The following NHSL2 variants were observed in gnomAD, a reference collection of about 807,000 sequenced individuals.
NHSL2 encodes the protein NHS-like protein 2.
A neutral mutation model predicts 53.4 loss-of-function variants in NHSL2; 27 were observed. The observed-to-expected ratio is 0.51, with a 90% confidence interval of 0.37 to 0.70. NHSL2 has a LOEUF of 0.70. NHSL2 is among the 30% of genes least tolerant of loss of function. NHSL2 has a pLI of 0.00. For missense variants in NHSL2, 892 were observed against 980.1 expected, an observed-to-expected ratio of 0.91 and a Z score of 1.20; for synonymous variants, 408 against 404.1, an observed-to-expected ratio of 1.01 and a Z score of -0.12.
At chrX:72,036,849 C>T (rs1276770830) in intron 1 of NHSL2, among the ~76,000 whole-genome samples, 2 of 111,101 alleles carry the variant, frequency 1.8e-5, no homozygotes, top group African/African-American at 6.5e-5. Context: ...TTTTTGATAT[C>T]TTCTATTACT....
chrX:71,990,558 C>G (rs779429455), intron 1 of NHSL2, among the ~76,000 whole-genome samples: 1 of 111,029 alleles, frequency 9.0e-6, no homozygotes, highest in Non-Finnish European at 1.9e-5. Flanking sequence ...AAGACCACCC[C>G]GCTCACACTG....
chrX:72,047,768 A>G (rs2042313071), intron 1 of NHSL2, among the ~76,000 whole-genome samples: 2 of 111,626 alleles, frequency 1.8e-5, no homozygotes, highest in African/African-American at 6.5e-5. Context: ...TCCTAGGGCT[A>G]GCAGCCTTTG....
chrX:72,021,491 T>G (rs1233956171), intron 1 of NHSL2, among the ~76,000 whole-genome samples: 2 of 111,886 alleles, frequency 1.8e-5, no homozygotes, highest in African/African-American at 6.5e-5. Context: ...AAACTTCCCT[T>G]ACTCTGAATC....
intron 1 of NHSL2, among the ~76,000 whole-genome samples, chrX:71,957,517 T>C (rs2041848316): frequency 8.9e-6 from 1 of 111,901 alleles, no homozygotes; most frequent in African/African-American, 3.3e-5. Flanking sequence ...CCGCCTGACT[T>C]GGCCTCCCAA....
At chrX:72,127,698 C>G (rs1018325937) in intron 1 of NHSL2, 6 of 72,675 alleles carry the variant, frequency 8.3e-5, no homozygotes, top group Non-Finnish European at 2.1e-4. Flanking sequence ...TTGAGGAAAT[C>G]AGATAAAATC....
At chrX:72,049,078 G>GGAGGAT (rs2042325212) in intron 1 of NHSL2, among the ~76,000 whole-genome samples, 1 of 107,545 alleles carries the variant, frequency 9.3e-6, no homozygotes, top group African/African-American at 3.5e-5. Context: ...AGGAGGAGGA[G>GGAGGAT]GGGAGGAGGA....
chrX:71,968,883 A>C lies in NHSL2; in HGVS notation c.280+57516A>C, dbSNP rs780473124. On this transcript the variant is annotated intron_variant, in intron 1 of 7. Transcript: ENST00000633930. The stretch of plus-strand genomic sequence containing the variant: ...TCTCTTGCTTATTCAGTTGATCTAA[A>C]TATCTAGTCTTGTGCTAGCACCATG... 2.7e-5 allele frequency among the ~76,000 whole-genome samples: 3 copies of C among 112,475 alleles called. No individual in the cohort carries two copies. In the Admixed American group the frequency reaches 2.8e-4, roughly 11 times the overall value.
chrX:72,134,045 G>A (rs957272784), intron 2 of NHSL2, 46 bp from the exon 3 acceptor site: 40 of 1,152,104 alleles, frequency 3.5e-5, no homozygotes, highest in Non-Finnish European at 4.5e-5. Context: ...CCCAGCGCTC[G>A]GCCATGGCAC....
intron 1 of NHSL2, among the ~76,000 whole-genome samples, chrX:72,056,651 T>A (rs1336336573): frequency 8.9e-6 from 1 of 111,932 alleles, no homozygotes; most frequent in Non-Finnish European, 1.9e-5. Context: ...GTATCCCAAG[T>A]ACCTTGGTAT....
At position 71,972,652 on chromosome X, in the gene NHSL2, TTAA is replaced by T. The variant is rs1466367107; in HGVS notation, c.280+61287_280+61289del. ...TCATTGAGCTTATTAGATGTGCATA[TTAA>T]TGTTTTTAATCAAATTTGAGTTGTT... On this transcript the variant is annotated intron_variant, in intron 1 of 7. Coordinates refer to ENST00000633930, the MANE Select transcript of NHSL2 (RefSeq NM_001013627.3). Among the ~76,000 whole-genome samples the T allele has an allele frequency of 2.7e-5, 3 of 112,109 alleles. No individual in the cohort carries two copies. The East Asian group carries it at 8.3e-4, about 31-fold the overall frequency.
chrX:71,968,333 C>G (rs2041910250), intron 1 of NHSL2, among the ~76,000 whole-genome samples: 1 of 111,093 alleles, frequency 9.0e-6, no homozygotes, highest in Admixed American at 9.5e-5. Context: ...TGGAACCTGC[C>G]ACTTCATTTC....
chrX:72,138,691 T>C lies in NHSL2; in HGVS notation c.1143T>C (p.Asn381=). The change falls in exon 6 of 8, where the codon AAT becomes AAC. Residue 381 remains asparagine, a synonymous_variant. Coordinates refer to ENST00000633930, the MANE Select transcript of NHSL2 (RefSeq NM_001013627.3). ...GMVYSVPSSC[N]GPTESTFSTS... is the part of the protein sequence containing the mutation. ...TGTACAGTGTCCCCAGTTCTTGCAATGGACCTACAGAATCAACCTTCTCCA... is the reference window on the plus strand; with the variant it reads ...TGTACAGTGTCCCCAGTTCTTGCAACGGACCTACAGAATCAACCTTCTCCA... 1 of 1,197,637 alleles carries C rather than the reference T, an allele frequency of 8.3e-7. No individual in the cohort carries two copies. The highest frequency in any genetic ancestry group is 1.1e-6 in the Non-Finnish European group (1 of 887,812).
rs2042383581 is a variant in NHSL2 at position 72,138,856 on chromosome X, G to A, written c.1308G>A (p.Lys436=). 3.3e-6 allele frequency: 4 copies of A among 1,210,777 alleles called. No individual in the cohort carries two copies. In the South Asian group the frequency reaches 7.0e-5, roughly 21 times the overall value. ...ACAAAGTCCCACCTCTGGTTCCTAAGGAGGCTGCTACCCTCCTTGTCGCTC... is the reference window on the plus strand; with the variant it reads ...ACAAAGTCCCACCTCTGGTTCCTAAAGAGGCTGCTACCCTCCTTGTCGCTC... ...SLNKVPPLVP[K]EAATLLVARD... Residue 436 remains lysine (K), a synonymous_variant, in exon 6 of 8, where the codon AAG becomes AAA. Transcript: ENST00000633930.
chrX:72,141,250 A>G (rs1037152059), intron 6 of NHSL2: 5 of 124,346 alleles, frequency 4.0e-5, no homozygotes, highest in African/African-American at 1.6e-4. Context: ...TGTTGCCACC[A>G]GCAGCCTCTT....
chrX:72,113,277 G>A (rs1403250601), intron 1 of NHSL2, among the ~76,000 whole-genome samples: 4 of 111,618 alleles, frequency 3.6e-5, no homozygotes, highest in African/African-American at 1.3e-4. Flanking sequence ...AAACAGATGG[G>A]AGGTGGGGTT....
At chrX:71,956,225 T>A (rs1176617594) in intron 1 of NHSL2, among the ~76,000 whole-genome samples, 1 of 112,333 alleles carries the variant, frequency 8.9e-6, no homozygotes, top group Non-Finnish European at 1.9e-5. Flanking sequence ...GGTTGATGAG[T>A]TTGATCATAT....
intron 1 of NHSL2, chrX:72,044,827 C>T (rs1338997230): frequency 4.0e-5 from 44 of 1,108,183 alleles, no homozygotes; most frequent in Non-Finnish European, 4.8e-5. Flanking sequence ...CTGCAAGGAC[C>T]GAACACCCCC....
chrX:72,047,990 T>G (rs769129052), intron 1 of NHSL2, among the ~76,000 whole-genome samples: 1 of 109,177 alleles, frequency 9.2e-6, no homozygotes, highest in East Asian at 2.9e-4. Flanking sequence ...CACAGATAGC[T>G]AACCCAGACC....
chrX:72,036,046 T>C (rs1172600795), intron 1 of NHSL2, among the ~76,000 whole-genome samples: 2 of 112,197 alleles, frequency 1.8e-5, no homozygotes, highest in Admixed American at 9.4e-5. Flanking sequence ...ACCTAACTAA[T>C]GCCTGATAAC....
Sources: allele counts gnomAD v4.1 joint callset (sites outside exome capture counted in the v4.1 genomes callset), GRCh38; gene constraint gnomAD v4.1.1; transcripts MANE v1.5; gene names NCBI Gene and HGNC (gene_info 2026-07-23, HGNC 2026-07-21).